Variants in BCLAF1 observed in about 807,000 individuals in gnomAD.
BCLAF1 encodes BCL2 associated transcription factor 1, also known as bcl-2-associated transcription factor 1.
In BCLAF1, 10 loss-of-function variants were observed where a neutral mutation model predicts 99.5. The ratio of observed to expected loss-of-function variants is 0.10; its 90% confidence interval spans 0.06 to 0.17. BCLAF1 has a LOEUF of 0.17. Among genes scored for constraint, BCLAF1 ranks in the 10% least tolerant of loss-of-function variants. The pLI is 1.00. For synonymous variants in BCLAF1, 255 were observed against 370.9 expected, an observed-to-expected ratio of 0.69 and a Z score of 3.59; for missense variants, 636 against 1,105.8, an observed-to-expected ratio of 0.58 and a Z score of 6.02.
At chr6:136,274,173 A>G in intron 6 of BCLAF1, 1 of 1,288,460 alleles carries the variant, frequency 7.8e-7, no homozygotes, top group Non-Finnish European at 1.0e-6. Context: ...TTGCCATTTC[A>G]AAACATATTC....
intron 1 of BCLAF1, among the ~76,000 whole-genome samples, chr6:136,283,178 CAAAAAAA>C (rs1173234336): frequency 4.8e-4 from 25 of 52,046 alleles, no homozygotes; most frequent in Middle Eastern, 0.028. Context: ...GACCCCATCT[CAAAAAAA>C]AAAAAAAAAA....
At chr6:136,286,347 C>T (rs999358644) in intron 1 of BCLAF1, among the ~76,000 whole-genome samples, 7 of 152,184 alleles carry the variant, frequency 4.6e-5, no homozygotes, top group African/African-American at 1.4e-4. Flanking sequence ...CAGCCATTAA[C>T]TAGCTGCCCA....
chr6:136,285,696 C>T (rs1246611286), intron 1 of BCLAF1, among the ~76,000 whole-genome samples: 1 of 152,140 alleles, frequency 6.6e-6, no homozygotes, highest in Non-Finnish European at 1.5e-5. Flanking sequence ...TAAAATAAAG[C>T]AGGTTTTATT....
At chr6:136,285,656 T>C (rs191748693) in intron 1 of BCLAF1, among the ~76,000 whole-genome samples, 86 of 152,312 alleles carry the variant, frequency 5.6e-4, no homozygotes, top group Non-Finnish European at 1.1e-3. Flanking sequence ...CTTTAGCCAA[T>C]TGACAGACCA....
At chr6:136,287,423 T>C (rs1785296652) in intron 1 of BCLAF1, among the ~76,000 whole-genome samples, 1 of 152,198 alleles carries the variant, frequency 6.6e-6, no homozygotes, top group African/African-American at 2.4e-5. Flanking sequence ...TTAGGGACAG[T>C]CAGATAAAAT....
intron 11 of BCLAF1, 129 bp from the exon 12 acceptor site, chr6:136,261,606 A>G: frequency 2.1e-6 from 2 of 955,898 alleles, no homozygotes; most frequent in South Asian, 1.7e-5. Context: ...CTAAAACACA[A>G]TAAAACAAAA....
At chr6:136,274,879 TAAAC>T (rs924939794) in intron 6 of BCLAF1, among the ~76,000 whole-genome samples, 32 of 152,030 alleles carry the variant, frequency 2.1e-4, no homozygotes, top group African/African-American at 7.5e-4. Flanking sequence ...TTAGTTGAAA[TAAAC>T]AACCTTATCT....
At position 136,272,949 on chromosome 6, in the gene BCLAF1, ATATT is replaced by A. The variant is rs547885981; in HGVS notation, c.1958+129_1958+132del. The A allele has an allele frequency of 1.5e-4, 82 of 555,034 alleles. No homozygotes were observed. In the Middle Eastern group the frequency reaches 2.0e-3, roughly 14 times the overall value. 34.4% of individuals were successfully genotyped at this position (555,034 alleles called of 1,614,324 possible). On this transcript the variant is annotated intron_variant, in intron 7 of 12. Transcript: ENST00000531224. ...TATAGAATTTTCAAGACTTTGAAATATATTTATTTAAAGTATAAATGAGGAATAA... is the reference window on the plus strand; with the variant it reads ...TATAGAATTTTCAAGACTTTGAAATATATTTAAAGTATAAATGAGGAATAA...
chr6:136,276,620 C>A, intron 4 of BCLAF1, 112 bp from the exon 5 acceptor site: 2 of 1,305,014 alleles, frequency 1.5e-6, no homozygotes, highest in East Asian at 2.5e-5. Flanking sequence ...AGAAAATAAC[C>A]CTATTGAAAA....
chr6:136,288,465 G>A (rs1289710487), intron 1 of BCLAF1, among the ~76,000 whole-genome samples: 4 of 152,204 alleles, frequency 2.6e-5, no homozygotes, highest in African/African-American at 7.2e-5. Context: ...TGCCTGAACA[G>A]TATCCTAACC....
rs954738024 is a variant in BCLAF1 at position 136,258,370 on chromosome 6, G to A, written c.*2740C>T. ...ACTGTAAAATTTCCCATTTTCCCAG[G>A]GGAGACAAGGGAAAAACAAAAACAA... On this transcript the variant is annotated 3_prime_UTR_variant, in exon 13 of 13. Coordinates refer to ENST00000531224, the MANE Select transcript of BCLAF1 (RefSeq NM_014739.3). 1.4e-5 allele frequency: 2 copies of A among 146,386 alleles called. No individual in the cohort carries two copies. The highest frequency in any genetic ancestry group is 3.0e-5 in the Non-Finnish European group (2 of 66,706). 9.1% of individuals were successfully genotyped at this position (146,386 alleles called of 1,614,324 possible).
intron 9 of BCLAF1, chr6:136,268,566 T>G (rs554858761): frequency 6.5e-6 from 3 of 462,130 alleles, no homozygotes; most frequent in Non-Finnish European, 1.1e-5. Flanking sequence ...AGTTAGAAAA[T>G]AGTAGTCTGT....
intron 1 of BCLAF1, among the ~76,000 whole-genome samples, chr6:136,286,244 G>A (rs1246272713): frequency 6.6e-6 from 1 of 152,148 alleles, no homozygotes; most frequent in Non-Finnish European, 1.5e-5. Context: ...TCCCCAGATT[G>A]TTGTAAACAA....
At chr6:136,263,033 TGA>T (rs1451537336) in intron 11 of BCLAF1, among the ~76,000 whole-genome samples, 1 of 152,134 alleles carries the variant, frequency 6.6e-6, no homozygotes, top group Non-Finnish European at 1.5e-5. Context: ...GTGGCAAAAA[TGA>T]TGTTTCTATA....
At chr6:136,274,956 T>C (rs891239610) in intron 6 of BCLAF1, among the ~76,000 whole-genome samples, 1 of 152,062 alleles carries the variant, frequency 6.6e-6, no homozygotes, top group African/African-American at 2.4e-5. Flanking sequence ...TCAGTATTTA[T>C]ATAATATACT....
chr6:136,261,105 A>G lies in BCLAF1; in HGVS notation c.*5T>C, dbSNP rs1780907512. The stretch of plus-strand genomic sequence containing the variant: ...CTGCTCTGTTGTAATCTTACTTCAT[A>G]TTTATTATTCCTAAAAGAGAGAGAA... On this transcript the variant is annotated 3_prime_UTR_variant, in exon 13 of 13. Coordinates refer to ENST00000531224, the MANE Select transcript of BCLAF1 (RefSeq NM_014739.3). 10 of 1,577,802 alleles carry G rather than the reference A, an allele frequency of 6.3e-6. No individual in the cohort carries two copies. The East Asian group carries it at 2.2e-4, about 35-fold the overall frequency.
In BCLAF1 at chr6:136,278,444, G is replaced by T; in HGVS notation, c.437C>A (p.Ser146Tyr). Residue 146 changes from serine (S) to tyrosine (Y), a missense_variant, in exon 4 of 13, where the codon TCT (serine) becomes TAT (tyrosine). Transcript: ENST00000531224. ...SRSPRSSSSR[S>Y]SSPYSKSPVS... ...AGGAGATTTGCTATATGGGGATGAA[G>T]AACGAGAAGAGGATGATCTTGGAGA... is the stretch of plus-strand genomic sequence containing the variant. The T allele has an allele frequency of 6.2e-7, 1 of 1,608,988 alleles. No homozygotes were observed. Among genetic ancestry groups the T allele is most frequent in the Non-Finnish European group, 8.5e-7 (1 of 1,178,180 alleles).
chr6:136,288,380 C>T (rs1479214318), intron 1 of BCLAF1, among the ~76,000 whole-genome samples: 1 of 152,204 alleles, frequency 6.6e-6, no homozygotes, highest in Non-Finnish European at 1.5e-5. Context: ...ATCAAATTAC[C>T]TATCCTGAAT....
rs1347235037 is a variant in BCLAF1, at chr6:136,289,755, A to C, written c.-157T>G. On this transcript the variant is annotated 5_prime_UTR_variant, in exon 1 of 13. Coordinates refer to ENST00000531224, the MANE Select transcript of BCLAF1 (RefSeq NM_014739.3). Reference sequence around the variant, plus strand: ...GGTTCCGGGAATTTATCTCCGTTGCAACCACACAGCGGCCATTTCCCGACT... The same window carrying C: ...GGTTCCGGGAATTTATCTCCGTTGCCACCACACAGCGGCCATTTCCCGACT... 6.5e-6 allele frequency: 1 copy of C among 152,742 alleles called. No individual in the cohort carries two copies. Among genetic ancestry groups the C allele is most frequent in the East Asian group, 1.9e-4 (1 of 5,194 alleles). 9.5% of individuals were successfully genotyped at this position (152,742 alleles called of 1,614,324 possible).
Sources: gnomAD v4.1 joint callset for allele counts (sites outside exome capture counted in the v4.1 genomes callset) on GRCh38, gnomAD v4.1.1 for gene constraint, MANE v1.5 for transcripts, NCBI Gene and HGNC (gene_info 2026-07-23, HGNC 2026-07-21) for gene names.